KIF2A: variants seen among roughly 807,000 people sequenced by gnomAD.
The protein encoded by KIF2A is kinesin-like protein KIF2A.
A neutral mutation model predicts 100.2 loss-of-function variants in KIF2A; 22 were observed. The observed-to-expected ratio is 0.22, with a 90% CI of 0.16 to 0.31. KIF2A has a LOEUF of 0.31. Among genes scored for constraint, KIF2A ranks in the 10% least tolerant of loss-of-function variants. The pLI, the probability that KIF2A is intolerant of heterozygous loss-of-function variation, is 1.00. For synonymous variants in KIF2A, 268 were observed against 285.9 expected (o/e 0.94, Z 0.63); for missense variants, 495 against 898.7 (o/e 0.55, Z 5.74).
At chr5:62,333,214 A>G (rs1310380439) in intron 1 of KIF2A, among the ~76,000 whole-genome samples, 1 of 152,258 alleles carries the variant, frequency 6.6e-6, no homozygotes, top group East Asian at 1.9e-4. Flanking sequence ...ACAATCTTGC[A>G]TTGTGAGAAA....
chr5:62,383,229 A>ATTTTTTTTTT (rs70977902), intron 20 of KIF2A, among the ~76,000 whole-genome samples: 2 of 39,100 alleles, frequency 5.1e-5, no homozygotes, highest in African/African-American at 2.3e-4. Context: ...GCCTGGCCAG[A>ATTTTTTTTTT]TTTTTTTTTT....
rs547185377 is a variant in KIF2A at position 62,317,495 on chromosome 5, C to A, written c.64+10959C>A. The stretch of plus-strand genomic sequence containing the variant: ...TGTTATAATGAGGAAGTTGACTTGT[C>A]CAAGGTCATACATAAAATAAGTAGC... On this transcript the variant is annotated intron_variant, in intron 1 of 20. Transcript: ENST00000407818. Among the ~76,000 whole-genome samples the A allele has an allele frequency of 1.1e-4, 16 of 152,292 alleles. No homozygotes were observed. In the East Asian group the frequency reaches 1.5e-3, roughly 15 times the overall value.
intron 1 of KIF2A, among the ~76,000 whole-genome samples, chr5:62,319,686 T>C (rs889944905): frequency 6.6e-6 from 1 of 152,244 alleles, no homozygotes; most frequent in Non-Finnish European, 1.5e-5. Context: ...CCAGCTTCTC[T>C]TTCACTGCTC....
At chr5:62,378,098 A>C (rs927653403) in intron 19 of KIF2A, among the ~76,000 whole-genome samples, 7 of 152,192 alleles carry the variant, frequency 4.6e-5, no homozygotes, top group Non-Finnish European at 1.0e-4. Flanking sequence ...AGTTAAGAAA[A>C]ACTCTTTTAA....
Position 62,306,525 on chromosome 5 carries a change from A to AGCGCAGCGATGGT in KIF2A, c.55_64+3dup. On this transcript the variant is annotated frameshift_variant, in exon 1 of 21. Coordinates refer to ENST00000407818, the MANE Select transcript of KIF2A (RefSeq NM_001098511.3). LOFTEE classifies it high-confidence loss of function. ...CAGATCGGGATTTACGTGGAGATCA[A>AGCGCAGCGATGGT]GCGCAGCGATGGTGAGCCGCGCTGC... is the stretch of plus-strand genomic sequence containing the variant. 6.5e-7 allele frequency: 1 copy of AGCGCAGCGATGGT among 1,546,018 alleles called. No homozygotes were observed. Among genetic ancestry groups the AGCGCAGCGATGGT allele is most frequent in the Non-Finnish European group, 8.7e-7 (1 of 1,144,966 alleles).
intron 3 of KIF2A, among the ~76,000 whole-genome samples, chr5:62,349,605 AACTG>A (rs771168397): frequency 6.6e-6 from 1 of 152,208 alleles, no homozygotes; most frequent in African/African-American, 2.4e-5. Context: ...TTTTTAGGAT[AACTG>A]ACAATGTACA....
At chr5:62,370,314 G>T (rs1480214375) in intron 16 of KIF2A, among the ~76,000 whole-genome samples, 1 of 152,032 alleles carries the variant, frequency 6.6e-6, no homozygotes. Flanking sequence ...ATTTATTTAA[G>T]ATGGAGTCTT....
intron 1 of KIF2A, among the ~76,000 whole-genome samples, chr5:62,322,515 A>G (rs1746150827): frequency 6.6e-6 from 1 of 152,192 alleles, no homozygotes; most frequent in African/African-American, 2.4e-5. Context: ...TATATTACCT[A>G]AAATGTTTAT....
intron 2 of KIF2A, among the ~76,000 whole-genome samples, 199 bp downstream of exon 2, chr5:62,347,423 A>C (rs1413847064): frequency 1.3e-5 from 2 of 152,154 alleles, no homozygotes; most frequent in Non-Finnish European, 2.9e-5. Flanking sequence ...TATCAGTCTT[A>C]ATTATTTGAT....
At position 62,306,425 on chromosome 5, in the gene KIF2A, C is replaced by G; in HGVS notation, c.-48C>G. 8 of 1,467,582 alleles carry G rather than the reference C, an allele frequency of 5.5e-6. No homozygotes were observed. The highest frequency in any genetic ancestry group is 7.4e-6 in the Non-Finnish European group (8 of 1,079,180). 90.9% of individuals were successfully genotyped at this position (1,467,582 alleles called of 1,614,324 possible). A position where few individuals can be genotyped will look rare whatever the true frequency, so the allele number is the denominator to read the frequency against. ...CCCGCCCCCTCCCCGCCTTTTCCGC[C>G]CTCCGGTCCCCCTCCCTCGGCCCGC... On this transcript the variant is annotated 5_prime_UTR_variant, in exon 1 of 21. Transcript: ENST00000407818.
At chr5:62,371,955 C>T (rs771693389) in intron 16 of KIF2A, among the ~76,000 whole-genome samples, 6 of 152,190 alleles carry the variant, frequency 3.9e-5, no homozygotes, top group Admixed American at 3.9e-4. Context: ...ACAGCTAATG[C>T]CATTCTGGAT....
At chr5:62,319,247 A>G (rs1745985666) in intron 1 of KIF2A, among the ~76,000 whole-genome samples, 1 of 152,238 alleles carries the variant, frequency 6.6e-6, no homozygotes, top group Non-Finnish European at 1.5e-5. Flanking sequence ...TCAGGCATGT[A>G]GGTTTGACCC....
At chr5:62,364,711 A>G (rs1300589365) in intron 14 of KIF2A, among the ~76,000 whole-genome samples, 1 of 152,242 alleles carries the variant, frequency 6.6e-6, no homozygotes, top group Non-Finnish European at 1.5e-5. Flanking sequence ...CATAGTTTCC[A>G]GAAATATCTG....
chr5:62,353,084 C>T (rs903944386), intron 5 of KIF2A, 191 bp from the exon 6 acceptor site: 2 of 461,752 alleles, frequency 4.3e-6, no homozygotes, highest in African/African-American at 2.0e-5. Context: ...TTTCTGGACT[C>T]TCATCTGTAC....
Position 62,350,870 on chromosome 5 carries a change from C to T in KIF2A, c.334+750C>T, listed in dbSNP as rs185369630. Among the ~76,000 whole-genome samples, 56 of 150,572 alleles carry T rather than the reference C, an allele frequency of 3.7e-4. No individual in the cohort carries two copies. In the South Asian group the frequency reaches 7.8e-3, roughly 21 times the overall value. ...GAGGTTGCAGTAAGCCAAGATCGCA[C>T]GACTGCACTCCAGTCTGGGCGACAG... On this transcript the variant is annotated intron_variant, in intron 4 of 20. Coordinates refer to ENST00000407818, the MANE Select transcript of KIF2A (RefSeq NM_001098511.3).
At chr5:62,317,005 G>C (rs866859683) in intron 1 of KIF2A, among the ~76,000 whole-genome samples, 1 of 151,376 alleles carries the variant, frequency 6.6e-6, no homozygotes, top group Non-Finnish European at 1.5e-5. Context: ...TTTTCAATGA[G>C]CTATAGTATA....
chr5:62,361,200 A>G (rs1471263269), intron 9 of KIF2A, 42 bp from the exon 10 acceptor site: 1 of 1,076,658 alleles, frequency 9.3e-7, no homozygotes, highest in East Asian at 2.5e-5. Flanking sequence ...TATTCATCAA[A>G]ATATTGGTGA....
chr5:62,311,745 A>G (rs1410084476), intron 1 of KIF2A: 1 of 152,196 alleles, frequency 6.6e-6, no homozygotes, highest in Non-Finnish European at 1.5e-5. Flanking sequence ...GAATAGGGGC[A>G]TTTGTGACCT....
intron 4 of KIF2A, 132 bp downstream of exon 4, chr5:62,350,252 G>A (rs1693787754): frequency 3.4e-6 from 2 of 592,722 alleles, no homozygotes; most frequent in Non-Finnish European, 5.8e-6. Context: ...TTTAAGAGGT[G>A]CTTTTTTGTT....
Sources: gnomAD v4.1 joint callset for allele counts (sites outside exome capture counted in the v4.1 genomes callset) on GRCh38, gnomAD v4.1.1 for gene constraint, MANE v1.5 for transcripts, NCBI Gene and HGNC (gene_info 2026-07-23, HGNC 2026-07-21) for gene names.